Variants in MCM5 observed in about 807,000 individuals in gnomAD.
MCM5 encodes minichromosome maintenance complex component 5.
A neutral mutation model predicts 79.9 loss-of-function variants in MCM5; 46 were observed. The ratio of observed to expected loss-of-function variants is 0.58; its 90% CI spans 0.45 to 0.74. The LOEUF (loss-of-function observed/expected upper bound fraction) is 0.74. MCM5 is among the 30% of genes least tolerant of loss of function. The probability of loss-of-function intolerance (pLI) is 0.00; values close to 1 mark genes in which losing one functional copy is unlikely to be tolerated. For synonymous variants in MCM5, 404 were observed against 390.5 expected (o/e 1.03, Z -0.41); for missense variants, 883 against 1,017.0 (o/e 0.87, Z 1.79).
At chr22:35,449,291 C>T in the MCM5 span, among the ~76,000 whole-genome samples, 1 of 152,206 alleles carries the variant, frequency 6.6e-6, no homozygotes, top group Non-Finnish European at 1.5e-5. Flanking sequence ...AGCACAGAAA[C>T]GAAGCAGAAA....
downstream of MCM5, among the ~76,000 whole-genome samples, chr22:35,426,847 ACTC>A (rs1029394723): frequency 3.3e-5 from 5 of 150,812 alleles, no homozygotes; most frequent in Admixed American, 6.6e-5. Context: ...GCCCCACTCT[ACTC>A]CTGGCTGCAT....
intron 2 of MCM5, among the ~76,000 whole-genome samples, chr22:35,401,051 C>T (rs776407702): frequency 5.3e-5 from 8 of 152,170 alleles, no homozygotes; most frequent in Non-Finnish European, 1.2e-4. Flanking sequence ...AACTCCTGAC[C>T]TCAAGTGATC....
chr22:35,416,525 G>A, intron 11 of MCM5, 113 bp from the exon 12 acceptor site: 1 of 374,118 alleles, frequency 2.7e-6, no homozygotes, highest in Admixed American at 3.5e-5. Flanking sequence ...GTGTGTGTGT[G>A]TGTGTGTGTG....
chr22:35,412,634 C>T lies in MCM5; in HGVS notation c.1044C>T (p.Asp348=). Residue 348 remains aspartate (D), a synonymous_variant, in exon 8 of 17, where the codon GAC becomes GAT. Coordinates refer to ENST00000216122, the MANE Select transcript of MCM5 (RefSeq NM_006739.4). The stretch of plus-strand genomic sequence containing the variant: ...CCCCCTCCATCTTTGGGGGCACAGA[C>T]ATGAAGAAGGCCATTGCCTGCCTGC... ...SIAPSIFGGT[D]MKKAIACLLF... 3.2e-6 allele frequency: 5 copies of T among 1,556,048 alleles called. No homozygotes were observed. The highest frequency in any genetic ancestry group is 3.5e-6 in the Non-Finnish European group (4 of 1,146,240).
Position 35,421,439 on chromosome 22 carries a change from G to A in MCM5, c.1954G>A (p.Ala652Thr), listed in dbSNP as rs1454309402. The A allele has an allele frequency of 1.2e-6, 2 of 1,614,056 alleles. No homozygotes were observed. The highest frequency in any genetic ancestry group is 1.7e-5 in the Admixed American group (1 of 60,008). ...CTTCCAAGTGTCCACGTTGGATGCT[G>A]CCTTGTCCGGTACCCTGTCAGGTGA... ...RLFQVSTLDA[A>T]LSGTLSGVEG... Residue 652 changes from alanine (A) to threonine (T), a missense_variant, in exon 15 of 17, where the codon GCC becomes ACC. Ala to Thr is a moderately conservative substitution (Grantham distance 58). Coordinates refer to ENST00000216122, the MANE Select transcript of MCM5 (RefSeq NM_006739.4).
chr22:35,440,458 G>C, the MCM5 span, among the ~76,000 whole-genome samples: 7 of 152,330 alleles, frequency 4.6e-5, no homozygotes, highest in Middle Eastern at 0.024. Context: ...CCCCTGAACT[G>C]CCTGGAATAT....
intron 4 of MCM5, among the ~76,000 whole-genome samples, chr22:35,406,293 G>GCCCCCCCC (rs751051553): frequency 3.3e-5 from 3 of 89,728 alleles, no homozygotes; most frequent in Non-Finnish European, 4.5e-5. Flanking sequence ...CTCTTGCCCT[G>GCCCCCCCC]CCACCTCCCC....
At chr22:35,439,014 TCC>T in the MCM5 span, among the ~76,000 whole-genome samples, 110,972 of 143,178 alleles carry the variant, frequency 0.78, 44,237 homozygotes, top group African/African-American at 0.87. Context: ...CATCCATCCA[TCC>T]ATCCACATAT....
chr22:35,417,676 C>T (rs1932581953), intron 12 of MCM5, 68 bp from the exon 13 acceptor site: 1 of 1,114,472 alleles, frequency 9.0e-7, no homozygotes, highest in Non-Finnish European at 1.4e-6. Context: ...CTGGCTGTTC[C>T]ACCTCAGTGC....
chr22:35,405,697 C>T (rs1016823772), intron 4 of MCM5, among the ~76,000 whole-genome samples: 10 of 152,096 alleles, frequency 6.6e-5, no homozygotes, highest in Admixed American at 6.5e-4. Flanking sequence ...GGCATAGCTA[C>T]AATAACATCA....
chr22:35,410,821 C>T lies in MCM5; in HGVS notation c.830C>T (p.Thr277Ile). 1 of 1,614,112 alleles carries T rather than the reference C, an allele frequency of 6.2e-7. No individual in the cohort carries two copies. Among genetic ancestry groups the T allele is most frequent in the Non-Finnish European group, 8.5e-7 (1 of 1,179,974 alleles). Reference protein sequence around the residue: ...GIYSIKKFGLTTSRGRDRVGV... With the variant: ...GIYSIKKFGLITSRGRDRVGV... ...TACTCCATCAAGAAGTTTGGCCTGA[C>T]TACCAGCAGGGGCCGTGACAGGGTG... The change falls in exon 7 of 17, where the codon ACT becomes ATT. Residue 277 changes from threonine (T) to isoleucine (I), a missense_variant. By Grantham distance (89) the Thr-to-Ile change is moderately conservative. Around this residue, in one of 3 missense-constraint regions of MCM5, gnomAD observed 455 missense variants for 517.5 expected, o/e 0.88. Coordinates refer to ENST00000216122, the MANE Select transcript of MCM5 (RefSeq NM_006739.4).
the MCM5 span, among the ~76,000 whole-genome samples, chr22:35,446,113 T>G: frequency 6.6e-6 from 1 of 152,212 alleles, no homozygotes; most frequent in Admixed American, 6.5e-5. Flanking sequence ...CTGTACTGAG[T>G]GCTGGAACAA....
the MCM5 span, among the ~76,000 whole-genome samples, chr22:35,452,588 C>G: frequency 6.6e-5 from 10 of 152,314 alleles, no homozygotes; most frequent in African/African-American, 1.9e-4. Flanking sequence ...GCGGGCAGGG[C>G]AGGGCAGGGC....
At chr22:35,400,352 G>A (rs1931999749) in intron 1 of MCM5, 79 bp from the exon 2 acceptor site, 2 of 1,543,990 alleles carry the variant, frequency 1.3e-6, no homozygotes, top group African/African-American at 2.7e-5. Flanking sequence ...CCGGACTCAG[G>A]GCAGGGACCC....
In MCM5 at chr22:35,406,451, G is replaced by A. The variant is rs963419355; in HGVS notation, c.424-102G>A. 8 of 1,103,952 alleles carry A rather than the reference G, an allele frequency of 7.2e-6. No individual in the cohort carries two copies. The African/African-American group carries it at 7.7e-5, about 11-fold the overall frequency. The allele number at this position is 1,103,952 out of a possible 1,614,324, so 68.4% of individuals were successfully genotyped here. A position where few individuals can be genotyped will look rare whatever the true frequency, so the allele number is the denominator to read the frequency against. On this transcript the variant is annotated intron_variant, in intron 4 of 16. Transcript: ENST00000216122. ...GAGCTGTGGCCCTCCCTGCAGCTCTGTGCCCACCTCCTCCAGGCTCCTGCC... is the reference window on the plus strand; with the variant it reads ...GAGCTGTGGCCCTCCCTGCAGCTCTATGCCCACCTCCTCCAGGCTCCTGCC...
At chr22:35,438,845 A>C in the MCM5 span, among the ~76,000 whole-genome samples, 1 of 146,568 alleles carries the variant, frequency 6.8e-6, no homozygotes, top group Non-Finnish European at 1.5e-5. Context: ...CCATTCACCC[A>C]TCCACCCACA....
the MCM5 span, among the ~76,000 whole-genome samples, chr22:35,432,719 G>A: frequency 8.5e-5 from 13 of 152,304 alleles, no homozygotes; most frequent in East Asian, 1.9e-3. Context: ...GTGTGTGCGG[G>A]GGGGTGGTGG....
chr22:35,426,021 A>G (rs1932777434), downstream of MCM5, among the ~76,000 whole-genome samples: 1 of 152,016 alleles, frequency 6.6e-6, no homozygotes, highest in African/African-American at 2.4e-5. Flanking sequence ...CCTGAGTGGG[A>G]TGCTGGGCAG....
chr22:35,448,583 C>G, the MCM5 span, among the ~76,000 whole-genome samples: 7 of 152,240 alleles, frequency 4.6e-5, no homozygotes, highest in African/African-American at 1.7e-4. Flanking sequence ...GGGAATGAGA[C>G]AGACAAGGGT....
Sources: allele counts gnomAD v4.1 joint callset (sites outside exome capture counted in the v4.1 genomes callset), GRCh38; gene constraint gnomAD v4.1.1; regional missense constraint gnomAD v4.1.1; transcripts MANE v1.5; gene names NCBI Gene and HGNC (gene_info 2026-07-23, HGNC 2026-07-21).